FBXO4: variants seen among roughly 807,000 people sequenced by gnomAD.
The protein encoded by FBXO4 is F-box only protein 4.
Under a neutral mutation model 43.7 loss-of-function variants are expected in FBXO4, and 36 were observed. That is an observed-to-expected ratio of 0.82 (90% confidence interval 0.63 to 1.09). The LOEUF is 1.09. Among genes scored for constraint, FBXO4 ranks in the 50% least tolerant of loss-of-function variants. The probability of loss-of-function intolerance (pLI) is 0.00; values close to 1 mark genes in which losing one functional copy is unlikely to be tolerated. For synonymous variants in FBXO4, 180 were observed against 165.6 expected (o/e 1.09, Z -0.67); for missense variants, 435 against 474.1 (o/e 0.92, Z 0.77).
the FBXO4 span, among the ~76,000 whole-genome samples, chr5:41,994,334 A>C: frequency 6.6e-6 from 1 of 152,330 alleles, no homozygotes; most frequent in African/African-American, 2.4e-5. Context: ...ACATGTTTTT[A>C]ACAAAAGAAG....
chr5:42,021,272 A>T, the FBXO4 span, among the ~76,000 whole-genome samples: 1 of 152,166 alleles, frequency 6.6e-6, no homozygotes, highest in African/African-American at 2.4e-5. Flanking sequence ...TGGAACGGAC[A>T]TGGATACAAG....
At chr5:41,948,043 TA>T in the FBXO4 span, among the ~76,000 whole-genome samples, 1 of 152,208 alleles carries the variant, frequency 6.6e-6, no homozygotes, top group Non-Finnish European at 1.5e-5. Context: ...ATTAAGATTT[TA>T]AAAGTACTTA....
At chr5:41,966,311 A>G in the FBXO4 span, among the ~76,000 whole-genome samples, 1 of 151,322 alleles carries the variant, frequency 6.6e-6, no homozygotes, top group East Asian at 1.9e-4. Flanking sequence ...AATAAAAATA[A>G]TCCTACTTAT....
chr5:41,936,378 C>A (rs1422646949), intron 5 of FBXO4, among the ~76,000 whole-genome samples: 1 of 151,994 alleles, frequency 6.6e-6, no homozygotes, highest in Admixed American at 6.6e-5. Context: ...ACCAAGAATA[C>A]CAAAAATTAG....
the FBXO4 span, among the ~76,000 whole-genome samples, chr5:41,991,084 C>T: frequency 2.0e-5 from 3 of 152,130 alleles, no homozygotes; most frequent in South Asian, 2.1e-4. Context: ...TCAACATTCA[C>T]GTTAACGTCC....
At chr5:41,927,468 T>A (rs1751543621) in intron 2 of FBXO4, among the ~76,000 whole-genome samples, 1 of 152,224 alleles carries the variant, frequency 6.6e-6, no homozygotes. Flanking sequence ...TTTGAATAAT[T>A]ATAAGTAGTA....
the FBXO4 span, among the ~76,000 whole-genome samples, chr5:42,002,191 C>T: frequency 6.6e-6 from 1 of 152,024 alleles, no homozygotes; most frequent in South Asian, 2.1e-4. Context: ...TGGTTAAAAA[C>T]AAGAATGCTA....
the FBXO4 span, among the ~76,000 whole-genome samples, chr5:41,969,011 A>G: frequency 1.3e-5 from 2 of 152,184 alleles, no homozygotes; most frequent in Admixed American, 1.3e-4. Flanking sequence ...TAAAGTTCCA[A>G]TCCAACAAAT....
chr5:41,926,102 G>A (rs1751488056), intron 1 of FBXO4, among the ~76,000 whole-genome samples: 1 of 152,174 alleles, frequency 6.6e-6, no homozygotes, highest in African/African-American at 2.4e-5. Context: ...GGGTAGATAG[G>A]TAAATGAAGA....
At chr5:41,946,330 T>G (rs1178881280), downstream of FBXO4, among the ~76,000 whole-genome samples, 2 of 152,234 alleles carry the variant, frequency 1.3e-5, no homozygotes, top group Non-Finnish European at 2.9e-5. Context: ...GCCACTGTCA[T>G]GTCTATTCAC....
chr5:41,996,591 G>C, the FBXO4 span, among the ~76,000 whole-genome samples: 1,764 of 152,288 alleles, frequency 0.012, 79 homozygotes, highest in Admixed American at 0.074. Flanking sequence ...GCCTTCTCCT[G>C]TTTTGGACCC....
chr5:42,008,173 G>T, the FBXO4 span, among the ~76,000 whole-genome samples: 3 of 152,112 alleles, frequency 2.0e-5, no homozygotes, highest in Non-Finnish European at 4.4e-5. Context: ...ACACATATTT[G>T]CCCAGGGATA....
chr5:41,956,370 A>C, the FBXO4 span, among the ~76,000 whole-genome samples: 1 of 152,200 alleles, frequency 6.6e-6, no homozygotes, highest in Non-Finnish European at 1.5e-5. Context: ...GAAATAAATG[A>C]TTGTTGAACT....
the FBXO4 span, among the ~76,000 whole-genome samples, chr5:42,024,835 C>T: frequency 2.0e-5 from 3 of 152,070 alleles, no homozygotes; most frequent in East Asian, 1.9e-4. Context: ...TTTCACTTAA[C>T]ATAATGACCT....
At chr5:41,967,170 C>G in the FBXO4 span, 1 of 456,918 alleles carries the variant, frequency 2.2e-6, no homozygotes, top group South Asian at 1.9e-5. Flanking sequence ...CTTTAGACTT[C>G]AGCACTTTCC....
the FBXO4 span, among the ~76,000 whole-genome samples, chr5:42,018,587 C>T: frequency 2.0e-5 from 3 of 152,154 alleles, no homozygotes; most frequent in South Asian, 2.1e-4. Context: ...GTAGAAAGTA[C>T]TTAAAGAAAT....
the FBXO4 span, among the ~76,000 whole-genome samples, chr5:41,986,722 T>C: frequency 6.6e-6 from 1 of 152,260 alleles, no homozygotes; most frequent in South Asian, 2.1e-4. Flanking sequence ...AATTATGATA[T>C]TATTACCTCT....
At chr5:42,024,227 ATG>A in the FBXO4 span, among the ~76,000 whole-genome samples, 23 of 152,198 alleles carry the variant, frequency 1.5e-4, no homozygotes, top group African/African-American at 5.3e-4. Flanking sequence ...TTTAATTTAT[ATG>A]TGTGTGTCAC....
At chr5:41,938,269 A>G (rs973374510) in intron 5 of FBXO4, among the ~76,000 whole-genome samples, 6 of 152,226 alleles carry the variant, frequency 3.9e-5, no homozygotes, top group African/African-American at 1.4e-4. Flanking sequence ...TTTCTTCTAT[A>G]TGTGAAATGG....
Sources: allele counts gnomAD v4.1 joint callset (sites outside exome capture counted in the v4.1 genomes callset), GRCh38; gene constraint gnomAD v4.1.1; transcripts MANE v1.5; gene names NCBI Gene and HGNC (gene_info 2026-07-23, HGNC 2026-07-21).